CBLB: variants seen among roughly 807,000 people sequenced by gnomAD.
CBLB encodes the protein Cbl proto-oncogene B.
A neutral mutation model predicts 104.9 loss-of-function variants in CBLB; 31 were observed. The observed-to-expected ratio is 0.30, with a 90% CI of 0.22 to 0.40. The LOEUF (loss-of-function observed/expected upper bound fraction) is 0.40, where lower values mean the gene tolerates loss of function less well. Ranked by LOEUF, CBLB falls within the 10% of genes least tolerant of loss-of-function variation. The probability of loss-of-function intolerance (pLI) is 1.00; values close to 1 mark genes in which losing one functional copy is unlikely to be tolerated. For missense variants in CBLB, 1,062 were observed against 1,214.6 expected (o/e 0.87, Z 1.87); for synonymous variants, 440 against 422.6 (o/e 1.04, Z -0.51).
At chr3:105,695,275 T>C (rs1365393514) in intron 12 of CBLB, among the ~76,000 whole-genome samples, 1 of 151,856 alleles carries the variant, frequency 6.6e-6, no homozygotes, top group Non-Finnish European at 1.5e-5. Context: ...AATAATAGTT[T>C]CAGCTGTATT....
rs571057724 is a variant in CBLB, at chr3:105,864,759, T to C, written c.168+2651A>G. ...GAACATTAATTGGAAAGAATTTCAA[T>C]TGACCATTTTAAATTCCAGAGGCCA... On this transcript the variant is annotated intron_variant, in intron 2 of 18. Coordinates refer to ENST00000394030, the MANE Select transcript of CBLB (RefSeq NM_170662.5). 5.9e-5 allele frequency among the ~76,000 whole-genome samples: 9 copies of C among 152,312 alleles called. No homozygotes were observed. The East Asian group carries it at 1.5e-3, about 26-fold the overall frequency.
At chr3:105,866,175 G>C (rs2092416577) in intron 2 of CBLB, among the ~76,000 whole-genome samples, 1 of 152,108 alleles carries the variant, frequency 6.6e-6, no homozygotes, top group African/African-American at 2.4e-5. Context: ...AAAATATTCT[G>C]GCTCTGCATT....
At chr3:105,761,807 A>T (rs2077662568) in intron 4 of CBLB, among the ~76,000 whole-genome samples, 1 of 152,172 alleles carries the variant, frequency 6.6e-6, no homozygotes, top group African/African-American at 2.4e-5. Context: ...GAGAGGTTGG[A>T]ACAGTTTGGA....
rs569608747 is a variant in CBLB at position 105,744,176 on chromosome 3, G to C, written c.845+1741C>G. Among the ~76,000 whole-genome samples the C allele has an allele frequency of 2.0e-5, 3 of 152,016 alleles. No individual in the cohort carries two copies. In the East Asian group the frequency reaches 5.8e-4, roughly 29 times the overall value. On this transcript the variant is annotated intron_variant, in intron 6 of 18. Coordinates refer to ENST00000394030, the MANE Select transcript of CBLB (RefSeq NM_170662.5). ...TCATGTTCTCCATGATACTGAACAA[G>C]AAAACAAAACCAAAAATAAAGGCCT...
chr3:105,706,914 A>G (rs1463990961), intron 10 of CBLB, among the ~76,000 whole-genome samples: 1 of 152,162 alleles, frequency 6.6e-6, no homozygotes, highest in African/African-American at 2.4e-5. Flanking sequence ...TTTTCTGCAA[A>G]TATTTTCCTA....
intron 2 of CBLB, among the ~76,000 whole-genome samples, chr3:105,866,987 T>C (rs2092462474): frequency 6.6e-6 from 1 of 152,252 alleles, no homozygotes; most frequent in African/African-American, 2.4e-5. Context: ...ATCTGTTTCT[T>C]TCCCCAGTAA....
chr3:105,668,737 C>A (rs1322245517), intron 18 of CBLB, among the ~76,000 whole-genome samples: 1 of 152,096 alleles, frequency 6.6e-6, no homozygotes, highest in Non-Finnish European at 1.5e-5. Context: ...GAGTTACATG[C>A]AAGCAGTTAA....
At chr3:105,861,154 A>T (rs1366022441) in intron 2 of CBLB, among the ~76,000 whole-genome samples, 1 of 152,058 alleles carries the variant, frequency 6.6e-6, no homozygotes, top group Non-Finnish European at 1.5e-5. Flanking sequence ...ACCTTTAGTA[A>T]AATTGTAATA....
intron 3 of CBLB, among the ~76,000 whole-genome samples, chr3:105,847,428 A>ACACACACAC (rs373356636): frequency 6.8e-6 from 1 of 146,374 alleles, no homozygotes; most frequent in African/African-American, 2.6e-5. Flanking sequence ...ACACACACAC[A>ACACACACAC]CCCCATTTTG....
intron 17 of CBLB, chr3:105,671,433 CA>C (rs1476877373): frequency 9.2e-6 from 2 of 216,340 alleles, no homozygotes; most frequent in Non-Finnish European, 1.9e-5. Flanking sequence ...ACACTCTTGG[CA>C]AATAGCTTGC....
At position 105,772,021 on chromosome 3, in the gene CBLB, C is replaced by T. The variant is rs534679031; in HGVS notation, c.566+4375G>A. 5.3e-5 allele frequency among the ~76,000 whole-genome samples: 8 copies of T among 152,204 alleles called. No individual in the cohort carries two copies. The South Asian group carries it at 1.7e-3, about 32-fold the overall frequency. ...ACATTCTTCACAGAACTAGAAAAAA[C>T]AATCCTAAGATTCGTATGGAACCAA... On this transcript the variant is annotated intron_variant, in intron 4 of 18. Coordinates refer to ENST00000394030, the MANE Select transcript of CBLB (RefSeq NM_170662.5).
chr3:105,865,523 G>T (rs2092376887), intron 2 of CBLB, among the ~76,000 whole-genome samples: 1 of 152,038 alleles, frequency 6.6e-6, no homozygotes, highest in South Asian at 2.1e-4. Context: ...CCACAGAAGG[G>T]TTAATAAAAT....
At chr3:105,696,128 T>C (rs1056573422) in intron 12 of CBLB, among the ~76,000 whole-genome samples, 1 of 151,652 alleles carries the variant, frequency 6.6e-6, no homozygotes, top group Admixed American at 6.6e-5. Flanking sequence ...TAATGGCTGT[T>C]ATTCCTATAA....
chr3:105,869,433 T>A, upstream of CBLB: 3 of 1,321,156 alleles, frequency 2.3e-6, no homozygotes, highest in Non-Finnish European at 3.0e-6. Flanking sequence ...ACCTTCCTAG[T>A]CTTTTGTTTC....
chr3:105,839,722 T>C (rs1241469658), intron 3 of CBLB, among the ~76,000 whole-genome samples: 1 of 152,262 alleles, frequency 6.6e-6, no homozygotes, highest in Non-Finnish European at 1.5e-5. Context: ...ATTGAAAATT[T>C]ACTCACAGAA....
chr3:105,663,930 G>C lies in CBLB; in HGVS notation c.2690-4701C>G, dbSNP rs117208129. 5.5e-4 allele frequency among the ~76,000 whole-genome samples: 79 copies of C among 144,658 alleles called. 2 individuals carry two copies. The East Asian group carries it at 0.015, about 27-fold the overall frequency. 94.9% of individuals were successfully genotyped at this position (144,658 alleles called of 152,430 possible). The stretch of plus-strand genomic sequence containing the variant: ...GGAAAAAAAAAAAAAGTGTCCAAAA[G>C]GCCCGTAGGCAGACCATATTTTTTT... On this transcript the variant is annotated intron_variant, in intron 18 of 18. Coordinates refer to ENST00000394030, the MANE Select transcript of CBLB (RefSeq NM_170662.5).
chr3:105,767,562 C>T (rs112377892), intron 4 of CBLB, among the ~76,000 whole-genome samples: 6 of 141,160 alleles, frequency 4.3e-5, no homozygotes, highest in African/African-American at 5.2e-5. Context: ...CTTTTTCTTT[C>T]TTTTTTTTTT....
chr3:105,756,614 T>C (rs2077105787), intron 4 of CBLB, among the ~76,000 whole-genome samples: 1 of 152,206 alleles, frequency 6.6e-6, no homozygotes, highest in Admixed American at 6.5e-5. Context: ...AAACTGGTTC[T>C]GAACTTTATG....
At chr3:105,849,917 A>C (rs1489242236) in intron 3 of CBLB, among the ~76,000 whole-genome samples, 1 of 152,154 alleles carries the variant, frequency 6.6e-6, no homozygotes, top group African/African-American at 2.4e-5. Flanking sequence ...ATTTAACATA[A>C]ATATCTGACT....
Sources: gnomAD v4.1 joint callset for allele counts (sites outside exome capture counted in the v4.1 genomes callset) on GRCh38, gnomAD v4.1.1 for gene constraint, MANE v1.5 for transcripts, NCBI Gene and HGNC (gene_info 2026-07-23, HGNC 2026-07-21) for gene names.